Variants in CNTN6 observed in about 807,000 individuals in gnomAD.
CNTN6 encodes contactin-6.
In CNTN6, 137 loss-of-function variants were observed where a neutral mutation model predicts 122.8. That is an observed-to-expected ratio of 1.12 (90% CI 0.97 to 1.29). The LOEUF (loss-of-function observed/expected upper bound fraction) is 1.29. Ranked by LOEUF, CNTN6 falls within the 50% of genes most tolerant of loss-of-function variation. The pLI is 0.00. For missense variants in CNTN6, 1,634 were observed against 1,223.4 expected (o/e 1.34, Z -5.01); for synonymous variants, 570 against 426.0 (o/e 1.34, Z -4.16).
At chr3:1,222,406 G>T (rs1192106317) in intron 3 of CNTN6, among the ~76,000 whole-genome samples, 1 of 152,122 alleles carries the variant, frequency 6.6e-6, no homozygotes, top group Non-Finnish European at 1.5e-5. Flanking sequence ...AGTAGAGAAA[G>T]AATATAAGAA....
intron 7 of CNTN6, among the ~76,000 whole-genome samples, chr3:1,309,817 G>T (rs1390505668): frequency 6.6e-6 from 1 of 152,068 alleles, no homozygotes; most frequent in South Asian, 2.1e-4. Flanking sequence ...TTATGAGATT[G>T]TATAGTTTTC....
chr3:1,105,403 G>C (rs1395861722), intron 1 of CNTN6, among the ~76,000 whole-genome samples: 1 of 152,068 alleles, frequency 6.6e-6, no homozygotes, highest in Admixed American at 6.6e-5. Flanking sequence ...AAGTTCATCA[G>C]ATATCGGTGA....
intron 4 of CNTN6, among the ~76,000 whole-genome samples, chr3:1,248,265 T>C (rs779153284): frequency 5.9e-5 from 9 of 152,216 alleles, no homozygotes; most frequent in Non-Finnish European, 1.3e-4. Flanking sequence ...TCTTCTCTAT[T>C]TTTGTAGCAG....
intron 4 of CNTN6, among the ~76,000 whole-genome samples, chr3:1,252,463 TA>T (rs1202170831): frequency 6.6e-6 from 1 of 152,232 alleles, no homozygotes; most frequent in African/African-American, 2.4e-5. Context: ...TAGATTCTTC[TA>T]AAATTTTTTC....
chr3:1,271,895 G>A (rs548058567), intron 4 of CNTN6, among the ~76,000 whole-genome samples: 2 of 152,186 alleles, frequency 1.3e-5, no homozygotes, highest in South Asian at 4.1e-4. Context: ...GGAACCAGAG[G>A]GATATGGTTT....
intron 2 of CNTN6, among the ~76,000 whole-genome samples, chr3:1,179,795 G>C (rs1479655506): frequency 6.6e-6 from 1 of 152,096 alleles, no homozygotes; most frequent in African/African-American, 2.4e-5. Context: ...CCCAAGGAAA[G>C]AGCCTATTCT....
chr3:1,242,458 G>T (rs530982948), intron 4 of CNTN6, among the ~76,000 whole-genome samples: 19 of 152,270 alleles, frequency 1.2e-4, no homozygotes, highest in African/African-American at 4.6e-4. Context: ...TGGGGGAATT[G>T]TAAGGAGAGT....
intron 1 of CNTN6, among the ~76,000 whole-genome samples, chr3:1,129,333 A>T (rs543640824): frequency 6.6e-6 from 1 of 152,172 alleles, no homozygotes; most frequent in East Asian, 1.9e-4. Flanking sequence ...CACTCAAAGT[A>T]TTGCATCTGG....
chr3:1,383,014 A>G lies in CNTN6; in HGVS notation c.2239A>G (p.Thr747Ala), dbSNP rs370867661. The change falls in exon 18 of 23, where the codon ACC becomes GCC. Residue 747 changes from threonine to alanine, a missense_variant. Coordinates refer to ENST00000446702, the MANE Select transcript of CNTN6 (RefSeq NM_001289080.2). ...IIMFRPVGST[T>A]WSKEKVSSVE... ...CATGTTCCGGCCAGTGGGCTCGACA[A>G]CCTGGTCCAAGGAGAAAGTGTCATC... is the stretch of plus-strand genomic sequence containing the variant. 13 of 1,614,004 alleles carry G rather than the reference A, an allele frequency of 8.1e-6. No individual in the cohort carries two copies. The African/African-American group carries it at 1.6e-4, about 20-fold the overall frequency.
At chr3:1,179,744 C>T (rs2093519116) in intron 2 of CNTN6, among the ~76,000 whole-genome samples, 1 of 152,096 alleles carries the variant, frequency 6.6e-6, no homozygotes, top group South Asian at 2.1e-4. Context: ...GAGGATTCTA[C>T]CACAGTCATT....
chr3:1,233,604 G>A (rs1021953141), intron 4 of CNTN6, among the ~76,000 whole-genome samples: 40 of 151,030 alleles, frequency 2.6e-4, no homozygotes, highest in African/African-American at 9.8e-4. Context: ...GTGTGGTGGT[G>A]TGCACCTGTA....
At chr3:1,233,782 T>A (rs1249626874) in intron 4 of CNTN6, among the ~76,000 whole-genome samples, 3 of 149,468 alleles carry the variant, frequency 2.0e-5, no homozygotes, top group Non-Finnish European at 4.4e-5. Context: ...CCACATACTA[T>A]TTCCTTAAAT....
chr3:1,225,889 TTTGA>T (rs898414316), intron 3 of CNTN6, among the ~76,000 whole-genome samples: 2 of 152,176 alleles, frequency 1.3e-5, no homozygotes, highest in African/African-American at 2.4e-5. Context: ...GTTCAAAACC[TTTGA>T]TTGATTTGAC....
intron 12 of CNTN6, among the ~76,000 whole-genome samples, chr3:1,368,198 A>T (rs1168172121): frequency 6.6e-6 from 1 of 152,200 alleles, no homozygotes; most frequent in African/African-American, 2.4e-5. Flanking sequence ...TGGAATGGTA[A>T]AACAGGCATT....
chr3:1,140,159 C>T (rs919944000), intron 1 of CNTN6, among the ~76,000 whole-genome samples: 7 of 152,154 alleles, frequency 4.6e-5, no homozygotes, highest in Admixed American at 3.9e-4. Context: ...TTTTTAGGAA[C>T]GGAAAGTCAA....
chr3:1,314,285 C>T (rs1161514791), intron 7 of CNTN6, among the ~76,000 whole-genome samples: 1 of 152,016 alleles, frequency 6.6e-6, no homozygotes, highest in African/African-American at 2.4e-5. Flanking sequence ...GTAGCAAAGG[C>T]ATTCTTTGCT....
chr3:1,230,063 C>A (rs912928872), intron 4 of CNTN6, among the ~76,000 whole-genome samples: 2 of 152,056 alleles, frequency 1.3e-5, no homozygotes, highest in Non-Finnish European at 2.9e-5. Flanking sequence ...CAGTCCCCAA[C>A]CAAATGGAAA....
At chr3:1,242,562 C>G (rs962165181) in intron 4 of CNTN6, among the ~76,000 whole-genome samples, 4 of 151,900 alleles carry the variant, frequency 2.6e-5, no homozygotes, top group African/African-American at 7.3e-5. Context: ...GGGCGTTGAG[C>G]GGGGTAAGGG....
At chr3:1,403,093 C>T (rs1377117711) in intron 22 of CNTN6, among the ~76,000 whole-genome samples, 1 of 152,066 alleles carries the variant, frequency 6.6e-6, no homozygotes, top group Admixed American at 6.6e-5. Flanking sequence ...GCAGACTTTG[C>T]CAATTTAGGG....
Sources: gnomAD v4.1 joint callset for allele counts (sites outside exome capture counted in the v4.1 genomes callset) on GRCh38, gnomAD v4.1.1 for gene constraint, MANE v1.5 for transcripts, NCBI Gene and HGNC (gene_info 2026-07-23, HGNC 2026-07-21) for gene names.